SLC16A9: variants seen among roughly 807,000 people sequenced by gnomAD.
SLC16A9 encodes solute carrier family 16 member 9.
SLC16A9 carries 26 observed loss-of-function variants against 44.3 expected under a neutral mutation model. The ratio of observed to expected loss-of-function variants is 0.59; its 90% confidence interval spans 0.43 to 0.81. The LOEUF (loss-of-function observed/expected upper bound fraction) is 0.81, where lower values mean the gene tolerates loss of function less well. SLC16A9 is among the 40% of genes least tolerant of loss of function. The pLI, the probability that SLC16A9 is intolerant of heterozygous loss-of-function variation, is 0.00. For synonymous variants in SLC16A9, 230 were observed against 225.1 expected (o/e 1.02, Z -0.19); for missense variants, 559 against 595.8 (o/e 0.94, Z 0.64).
Position 59,653,856 on chromosome 10 carries a change from T to C in SLC16A9, c.1170A>G (p.Pro390=). Residue 390 remains proline, a synonymous_variant, in exon 5 of 6, where the codon CCA becomes CCG. Transcript: ENST00000395348. ...CCAATGTGACATAGCTTTTGGCAAA[T>C]GGAATTGCACACAAGGCTAGGCCCA... ...IIMGLALCAI[P]FAKSYVTLAL... 6.2e-7 allele frequency: 1 copy of C among 1,614,038 alleles called. No homozygotes were observed.
chr10:59,676,857 A>G (rs1288921288), intron 2 of SLC16A9, among the ~76,000 whole-genome samples: 1 of 145,968 alleles, frequency 6.9e-6, no homozygotes, highest in African/African-American at 2.5e-5. Context: ...GGGAAGGTGG[A>G]GGTTGCAGTG....
intron 4 of SLC16A9, among the ~76,000 whole-genome samples, chr10:59,656,069 T>A (rs1490981020): frequency 6.6e-6 from 1 of 152,236 alleles, no homozygotes; most frequent in Non-Finnish European, 1.5e-5. Context: ...TAATGTTTCA[T>A]GTTAATGTAA....
intron 1 of SLC16A9, among the ~76,000 whole-genome samples, chr10:59,694,926 A>G (rs1840339898): frequency 1.3e-5 from 2 of 151,136 alleles, no homozygotes; most frequent in Admixed American, 1.3e-4. Flanking sequence ...CAACTGATGA[A>G]TGGATAAAGT....
At chr10:59,663,066 G>A (rs964878085) in intron 4 of SLC16A9, among the ~76,000 whole-genome samples, 1 of 152,134 alleles carries the variant, frequency 6.6e-6, no homozygotes, top group Non-Finnish European at 1.5e-5. Context: ...TAAAGAAAAT[G>A]TGGCATGTAT....
intron 1 of SLC16A9, among the ~76,000 whole-genome samples, chr10:59,700,891 G>A (rs1038111123): frequency 1.3e-5 from 2 of 152,084 alleles, no homozygotes; most frequent in Non-Finnish European, 2.9e-5. Context: ...CTTGGCTTTC[G>A]TGAGCCCACT....
At chr10:59,688,763 C>G (rs950104539) in intron 1 of SLC16A9, among the ~76,000 whole-genome samples, 1 of 150,798 alleles carries the variant, frequency 6.6e-6, no homozygotes, top group Non-Finnish European at 1.5e-5. Flanking sequence ...CAAATGCATA[C>G]GAGATTGTCC....
In SLC16A9 at chr10:59,666,776, C is replaced by T. The variant is rs114858426; in HGVS notation, c.341-2454G>A. 9.5e-3 allele frequency among the ~76,000 whole-genome samples: 1,441 copies of T among 151,532 alleles called. 20 individuals carry two copies. The highest frequency in any genetic ancestry group is 0.028 in the African/African-American group (1,177 of 41,326). On this transcript the variant is annotated intron_variant, in intron 3 of 5. Coordinates refer to ENST00000395348, the MANE Select transcript of SLC16A9 (RefSeq NM_194298.3). ...TGACAGACAAACTACAGTTATTTAACCTTGGGTGTCTGGCTGATATTTTCT... is the reference window on the plus strand; with the variant it reads ...TGACAGACAAACTACAGTTATTTAATCTTGGGTGTCTGGCTGATATTTTCT...
At chr10:59,675,119 T>C (rs1839831043) in intron 2 of SLC16A9, among the ~76,000 whole-genome samples, 1 of 152,134 alleles carries the variant, frequency 6.6e-6, no homozygotes, top group Non-Finnish European at 1.5e-5. Flanking sequence ...GAGAAATATA[T>C]CATTAGGTCA....
chr10:59,682,269 G>T (rs1273296806), intron 2 of SLC16A9, among the ~76,000 whole-genome samples: 1 of 152,066 alleles, frequency 6.6e-6, no homozygotes, highest in Non-Finnish European at 1.5e-5. Flanking sequence ...TCCCACACTT[G>T]GTTTAGTGCT....
At chr10:59,707,317 GGGAAGGGAA>G in intron 1 of SLC16A9, among the ~76,000 whole-genome samples, 2 of 125,908 alleles carry the variant, frequency 1.6e-5, no homozygotes, top group African/African-American at 3.0e-5. Flanking sequence ...GGGAAGGGAA[GGGAAGGGAA>G]GGGAAGGGAG....
chr10:59,697,077 C>T (rs1257562804), intron 1 of SLC16A9, among the ~76,000 whole-genome samples: 2 of 98,478 alleles, frequency 2.0e-5, no homozygotes, highest in African/African-American at 7.2e-5. Context: ...AGCCCCTCTG[C>T]CCCGCCAGCC....
chr10:59,693,395 C>A (rs939172831), intron 1 of SLC16A9, among the ~76,000 whole-genome samples: 34 of 151,534 alleles, frequency 2.2e-4, no homozygotes, highest in Middle Eastern at 6.8e-3. Context: ...CTTCTAAAGT[C>A]AAAAAAATAT....
intron 1 of SLC16A9, among the ~76,000 whole-genome samples, chr10:59,707,144 G>A (rs371947665): frequency 6.6e-6 from 1 of 151,230 alleles, no homozygotes; most frequent in Non-Finnish European, 1.5e-5. Flanking sequence ...CCAGCTACTC[G>A]GGAGGCTGAG....
intron 1 of SLC16A9, among the ~76,000 whole-genome samples, chr10:59,693,297 C>T (rs1840292073): frequency 6.6e-6 from 1 of 152,200 alleles, no homozygotes; most frequent in Non-Finnish European, 1.5e-5. Context: ...ATCATGTTAA[C>T]ACTAACGTAA....
Position 59,681,446 on chromosome 10 carries a change from ATATGTG to A in SLC16A9, c.196+2644_196+2649del, listed in dbSNP as rs1167770658. On this transcript the variant is annotated intron_variant, in intron 2 of 5. Coordinates refer to ENST00000395348, the MANE Select transcript of SLC16A9 (RefSeq NM_194298.3). The stretch of plus-strand genomic sequence containing the variant: ...ATGTATATGTATATGATGTATATGT[ATATGTG>A]TATGTGTATGTGTATGTATATGTAT... Among the ~76,000 whole-genome samples, 13 of 18,506 alleles carry A rather than the reference ATATGTG, an allele frequency of 7.0e-4. 2 individuals carry two copies. The highest frequency in any genetic ancestry group is 1.6e-3 in the East Asian group (1 of 612). The allele number at this position is 18,506 out of a possible 152,430, so 12.1% of individuals were successfully genotyped here.
chr10:59,666,815 A>G (rs1463063950), intron 3 of SLC16A9, among the ~76,000 whole-genome samples: 2 of 151,294 alleles, frequency 1.3e-5, no homozygotes, highest in East Asian at 1.9e-4. Context: ...AAATGAACCA[A>G]CGCTGGGAAA....
intron 1 of SLC16A9, among the ~76,000 whole-genome samples, chr10:59,684,624 G>A (rs1365074288): frequency 6.6e-6 from 1 of 152,048 alleles, no homozygotes; most frequent in Non-Finnish European, 1.5e-5. Flanking sequence ...CAACCACAGA[G>A]AACCACTAAT....
At chr10:59,676,513 T>G (rs755803852) in intron 2 of SLC16A9, among the ~76,000 whole-genome samples, 16 of 152,194 alleles carry the variant, frequency 1.1e-4, no homozygotes, top group Admixed American at 2.0e-4. Context: ...AAAGTTAGTT[T>G]ACCTGTGACA....
chr10:59,653,539 A>C (rs1839266116), intron 5 of SLC16A9, 136 bp downstream of exon 5: 1 of 683,606 alleles, frequency 1.5e-6, no homozygotes, highest in East Asian at 2.7e-5. Context: ...AGTCTTGAAT[A>C]AATCATTACC....
Sources: gnomAD v4.1 joint callset for allele counts (sites outside exome capture counted in the v4.1 genomes callset) on GRCh38, gnomAD v4.1.1 for gene constraint, MANE v1.5 for transcripts, NCBI Gene and HGNC (gene_info 2026-07-23, HGNC 2026-07-21) for gene names.